CCDC117: variants seen among roughly 807,000 people sequenced by gnomAD.
CCDC117 encodes the protein coiled-coil domain containing 117.
Under a neutral mutation model 23.5 loss-of-function variants are expected in CCDC117, and 1 was observed. The observed-to-expected ratio is 0.04, with a 90% CI of 0.02 to 0.20. The LOEUF is 0.20. Among genes scored for constraint, CCDC117 ranks in the 10% least tolerant of loss-of-function variants. The pLI is 1.00. For synonymous variants in CCDC117, 132 were observed against 124.8 expected (o/e 1.06, Z -0.39); for missense variants, 383 against 348.2 (o/e 1.10, Z -0.80).
chr22:28,781,888 C>T (rs1255817225), intron 3 of CCDC117, among the ~76,000 whole-genome samples: 1 of 151,850 alleles, frequency 6.6e-6, no homozygotes, highest in East Asian at 1.9e-4. Context: ...GGTGATCCCC[C>T]TGTCTCGGCC....
intron 4 of CCDC117, among the ~76,000 whole-genome samples, chr22:28,785,806 C>T (rs2031493171): frequency 1.3e-5 from 2 of 151,582 alleles, no homozygotes; most frequent in Admixed American, 6.6e-5. Context: ...GCCTGTAGTC[C>T]TAATTACTGG....
chr22:28,782,483 G>A (rs185906059), intron 3 of CCDC117, among the ~76,000 whole-genome samples: 6 of 151,910 alleles, frequency 3.9e-5, no homozygotes, highest in African/African-American at 1.2e-4. Flanking sequence ...CTGTTGCTCA[G>A]GCTGGAGTGC....
rs2031563285 is a variant in CCDC117, at chr22:28,787,845, C to T, written c.*1519C>T. 6.6e-6 allele frequency: 1 copy of T among 152,340 alleles called. No individual in the cohort carries two copies. Among genetic ancestry groups the T allele is most frequent in the Non-Finnish European group, 1.5e-5 (1 of 68,022 alleles). The allele number at this position is 152,340 out of a possible 1,614,324, so 9.4% of individuals were successfully genotyped here. ...CCAGTTTTGTTTTCTGGGTTTCTTC[C>T]CCCTTTGTAGGAATCAGATACCTTT... On this transcript the variant is annotated 3_prime_UTR_variant, in exon 5 of 5. Transcript: ENST00000249064.
At chr22:28,782,547 T>TC (rs2146253463) in intron 3 of CCDC117, among the ~76,000 whole-genome samples, 1 of 152,260 alleles carries the variant, frequency 6.6e-6, no homozygotes, top group African/African-American at 2.4e-5. Flanking sequence ...CAGGCGATTC[T>TC]CCTGCCTCAA....
chr22:28,779,031 T>C (rs2031248102), intron 2 of CCDC117, among the ~76,000 whole-genome samples: 1 of 152,100 alleles, frequency 6.6e-6, no homozygotes, highest in Non-Finnish European at 1.5e-5. Context: ...ACTCTCACTG[T>C]GTTGCTCAGG....
At position 28,789,219 on chromosome 22, in the gene CCDC117, G is replaced by A. The variant is rs746133358; in HGVS notation, c.*2893G>A. 6.6e-6 allele frequency: 1 copy of A among 152,142 alleles called. No homozygotes were observed. The highest frequency in any genetic ancestry group is 1.5e-5 in the Non-Finnish European group (1 of 68,014). 9.4% of individuals were successfully genotyped at this position (152,142 alleles called of 1,614,324 possible). A position where few individuals can be genotyped will look rare whatever the true frequency, so the allele number is the denominator to read the frequency against. On this transcript the variant is annotated 3_prime_UTR_variant, in exon 5 of 5. Coordinates refer to ENST00000249064, the MANE Select transcript of CCDC117 (RefSeq NM_173510.4). ...TTCTAGGAATGTTCTGGAAGATGCT[G>A]TTAATTTTACTTTAAAATGAGAATC...
At chr22:28,777,011 T>C (rs901668296) in intron 2 of CCDC117, among the ~76,000 whole-genome samples, 2 of 150,614 alleles carry the variant, frequency 1.3e-5, no homozygotes, top group Non-Finnish European at 2.9e-5. Context: ...TGAGCTACTG[T>C]GCCTGGCCAG....
intron 3 of CCDC117, among the ~76,000 whole-genome samples, chr22:28,782,236 C>A (rs1298367080): frequency 2.0e-5 from 3 of 146,690 alleles, no homozygotes; most frequent in Non-Finnish European, 4.5e-5. Flanking sequence ...CTGTGCCGGG[C>A]CAGTCTACTG....
In CCDC117 at chr22:28,780,988, T is replaced by C. The variant is rs199639573; in HGVS notation, c.280T>C (p.Cys94Arg). 1 of 1,614,114 alleles carries C rather than the reference T, an allele frequency of 6.2e-7. No individual in the cohort carries two copies. The highest frequency in any genetic ancestry group is 2.2e-5 in the East Asian group (1 of 44,878). The change falls in exon 3 of 5, where the codon TGT becomes CGT. Residue 94 changes from cysteine to arginine, a missense_variant. Physicochemically the swap from Cys to Arg is radical, Grantham distance 180. Transcript: ENST00000249064. Reference protein sequence around the residue: ...RKKRITEAELCAGPNDWILCA... With the variant: ...RKKRITEAELRAGPNDWILCA... ...GAAAAGGATAACTGAAGCAGAGCTC[T>C]GTGCTGGTCCTAATGACTGGATTCT...
At chr22:28,776,811 C>A (rs946673872) in intron 2 of CCDC117, among the ~76,000 whole-genome samples, 1 of 152,114 alleles carries the variant, frequency 6.6e-6, no homozygotes, top group Non-Finnish European at 1.5e-5. Context: ...CTGGAACTTC[C>A]GACTTCGGAT....
intron 2 of CCDC117, among the ~76,000 whole-genome samples, chr22:28,774,360 G>A (rs941558838): frequency 6.7e-6 from 1 of 148,646 alleles, no homozygotes; most frequent in Admixed American, 6.7e-5. Context: ...AGCCGCCCCG[G>A]CCTGAAAAGT....
intron 1 of CCDC117, 41 bp downstream of exon 1, chr22:28,773,075 GGGC>G: frequency 1.4e-6 from 1 of 721,536 alleles, no homozygotes; most frequent in Non-Finnish European, 1.7e-6. Flanking sequence ...GCGGGCGGGC[GGGC>G]GGGCAGGCTG....
In CCDC117 at chr22:28,786,267, A is replaced by T; in HGVS notation, c.781A>T (p.Met261Leu). The change falls in exon 5 of 5, where the codon ATG becomes TTG. Residue 261 changes from methionine to leucine, a missense_variant. Physicochemically the swap from Met to Leu is conservative, Grantham distance 15 (BLOSUM62 2). Transcript: ENST00000249064. Reference sequence around the variant, plus strand: ...GTTTTCGGAACCTCGGCCAACAGGGATGTCTCTTTATAATAGTTTGGAGAC... The same window carrying T: ...GTTTTCGGAACCTCGGCCAACAGGGTTGTCTCTTTATAATAGTTTGGAGAC... ...ELFSEPRPTG[M>L]SLYNSLETAT... 1 of 1,614,194 alleles carries T rather than the reference A, an allele frequency of 6.2e-7. No homozygotes were observed. Among genetic ancestry groups the T allele is most frequent in the Non-Finnish European group, 8.5e-7 (1 of 1,180,026 alleles).
At chr22:28,781,330 GTTTTGTTTTTTTTTTT>G (rs2031314442) in intron 3 of CCDC117, among the ~76,000 whole-genome samples, 158 bp downstream of exon 3, 3 of 37,628 alleles carry the variant, frequency 8.0e-5, no homozygotes, top group African/African-American at 1.5e-4. Context: ...TTGTTTTTTT[GTTTTGTTTTTTTTTTT>G]TTTTTTTTTT....
chr22:28,785,888 A>G (rs2031494831), intron 4 of CCDC117, among the ~76,000 whole-genome samples: 1 of 150,160 alleles, frequency 6.7e-6, no homozygotes, highest in Non-Finnish European at 1.5e-5. Flanking sequence ...GTACCACTGT[A>G]CTCCACTGTG....
At chr22:28,781,287 G>C (rs1443794467) in intron 3 of CCDC117, 115 bp downstream of exon 3, 7 of 507,014 alleles carry the variant, frequency 1.4e-5, no homozygotes, top group Non-Finnish European at 2.3e-5. Context: ...CTCTCAGAAA[G>C]ACTAAGTCAG....
intron 2 of CCDC117, among the ~76,000 whole-genome samples, chr22:28,774,371 C>G (rs1055530006): frequency 1.6e-5 from 2 of 122,150 alleles, no homozygotes; most frequent in African/African-American, 3.1e-5. Context: ...CCTGAAAAGT[C>G]TTTTTTTTTT....
At chr22:28,773,652 G>A in intron 1 of CCDC117, 73 bp from the exon 2 acceptor site, 1 of 1,239,724 alleles carries the variant, frequency 8.1e-7, no homozygotes, top group Non-Finnish European at 1.2e-6. Flanking sequence ...GATTATTGGA[G>A]CAAGAAAGAG....
At chr22:28,781,239 A>G (rs1339622449) in intron 3 of CCDC117, 67 bp downstream of exon 3, 1 of 849,936 alleles carries the variant, frequency 1.2e-6, no homozygotes, top group Non-Finnish European at 1.9e-6. Context: ...CATATAAGCT[A>G]GTTCTGTTTA....
Sources: gnomAD v4.1 joint callset for allele counts (sites outside exome capture counted in the v4.1 genomes callset) on GRCh38, gnomAD v4.1.1 for gene constraint, MANE v1.5 for transcripts, NCBI Gene and HGNC (gene_info 2026-07-23, HGNC 2026-07-21) for gene names.